Variants in TNRC6A observed in about 807,000 individuals in gnomAD.
TNRC6A encodes trinucleotide repeat containing adaptor 6A, also known as trinucleotide repeat-containing gene 6A protein.
A neutral mutation model predicts 221.2 loss-of-function variants in TNRC6A; 44 were observed. That is an observed-to-expected ratio of 0.20 (90% CI 0.16 to 0.26). The LOEUF (loss-of-function observed/expected upper bound fraction) is 0.26. Ranked by LOEUF, TNRC6A falls within the 10% of genes least tolerant of loss-of-function variation. The pLI is 1.00. For synonymous variants in TNRC6A, 847 were observed against 838.5 expected, an observed-to-expected ratio of 1.01 and a Z score of -0.18; for missense variants, 2,199 against 2,404.4, an observed-to-expected ratio of 0.91 and a Z score of 1.79.
rs533665213 is a variant in TNRC6A, at chr16:24,625,548, A to AC, written n.276+15068dup. 2.0e-5 allele frequency among the ~76,000 whole-genome samples: 3 copies of AC among 151,942 alleles called. No individual in the cohort carries two copies. In the South Asian group the frequency reaches 6.2e-4, roughly 32 times the overall value. On this transcript the variant is annotated intron_variant and non_coding_transcript_variant, in intron 1 of 2. Transcript: ENST00000566108. ...AGACCATCCTGGCTAACAAGGTGAA[A>AC]CCCCGTCTCTACTAAAAAATACAAA...
intron 1 of TNRC6A, among the ~76,000 whole-genome samples, chr16:24,614,542 C>T (rs565412666): frequency 6.6e-6 from 1 of 152,120 alleles, no homozygotes; most frequent in Non-Finnish European, 1.5e-5. Context: ...GGAACAAGCA[C>T]GGGTCTGTTT....
At chr16:24,816,120 A>T (rs886501500) in intron 19 of TNRC6A, 1 of 148,846 alleles carries the variant, frequency 6.7e-6, no homozygotes, top group Non-Finnish European at 1.5e-5. Context: ...GTCCCAGGAG[A>T]TGGAGACCGT....
intron 5 of TNRC6A, among the ~76,000 whole-genome samples, chr16:24,784,097 G>A (rs2057913665): frequency 2.0e-5 from 3 of 152,300 alleles, no homozygotes; most frequent in South Asian, 4.1e-4. Context: ...CACCTCCTGG[G>A]TTCAAATGAT....
intron 1 of TNRC6A, among the ~76,000 whole-genome samples, chr16:24,612,252 A>G (rs1463083410): frequency 6.6e-6 from 1 of 152,174 alleles, no homozygotes; most frequent in Non-Finnish European, 1.5e-5. Context: ...ACTTTTAACA[A>G]CGACAGAGCA....
At chr16:24,764,488 A>G (rs1455326231) in intron 4 of TNRC6A, among the ~76,000 whole-genome samples, 1 of 151,256 alleles carries the variant, frequency 6.6e-6, no homozygotes, top group Non-Finnish European at 1.5e-5. Context: ...CACCACACCT[A>G]ATTTTTGTAT....
chr16:24,772,590 G>A (rs559696263), intron 4 of TNRC6A, among the ~76,000 whole-genome samples: 1 of 151,984 alleles, frequency 6.6e-6, no homozygotes, highest in Non-Finnish European at 1.5e-5. Flanking sequence ...TTCGAGACCA[G>A]CCTGGCCAAT....
chr16:24,714,868 G>A (rs1050030185), intron 2 of TNRC6A, among the ~76,000 whole-genome samples: 1 of 148,784 alleles, frequency 6.7e-6, no homozygotes, highest in Admixed American at 6.7e-5. Flanking sequence ...CTGGTACATT[G>A]TAGTTTTTTT....
chr16:24,777,321 A>G lies in TNRC6A; in HGVS notation c.552A>G (p.Gln184=), dbSNP rs755411451. The G allele has an allele frequency of 6.2e-7, 1 of 1,613,504 alleles. No individual in the cohort carries two copies. The highest frequency in any genetic ancestry group is 1.7e-5 in the Admixed American group (1 of 60,026). ...GTGCTTTAACAAATCAACAGCCACA[A>G]AATAACGGAGAGGTGCAGAACAGCA... ...ESSALTNQQP[Q]NNGEVQNSKN... Residue 184 remains glutamine, a synonymous_variant, in exon 5 of 25, where the codon CAA becomes CAG. Coordinates refer to ENST00000395799, the MANE Select transcript of TNRC6A (RefSeq NM_014494.4).
At chr16:24,736,744 TCTTA>T (rs1225936047) in intron 2 of TNRC6A, among the ~76,000 whole-genome samples, 2 of 152,074 alleles carry the variant, frequency 1.3e-5, no homozygotes, top group Admixed American at 1.3e-4. Context: ...TATCCAATAT[TCTTA>T]CTTCTACACT....
rs370177803 is a variant in TNRC6A at position 24,790,882 on chromosome 16, A to G, written c.2240A>G (p.Asp747Gly). The change falls in exon 6 of 25, where the codon GAC (aspartate) becomes GGC (glycine). Residue 747 changes from aspartate (D) to glycine (G), a missense_variant. Around this residue, in one of 8 missense-constraint regions of TNRC6A, gnomAD observed 1,405 missense variants for 1,400.2 expected, o/e 1.00. Transcript: ENST00000395799. ...TCACCTAGAGGGGAACGAAAGACTG[A>G]CAATGGGACAGAGGCCTGGGGAAGC... The part of the protein sequence containing the change: ...ETSPRGERKT[D>G]NGTEAWGSSA... 1.2e-6 allele frequency: 2 copies of G among 1,614,064 alleles called. No homozygotes were observed. Among genetic ancestry groups the G allele is most frequent in the African/African-American group, 2.7e-5 (2 of 74,932 alleles).
At chr16:24,782,083 A>G (rs1264874326) in intron 5 of TNRC6A, among the ~76,000 whole-genome samples, 3 of 152,044 alleles carry the variant, frequency 2.0e-5, no homozygotes, top group Non-Finnish European at 4.4e-5. Context: ...CGGCCTCCCA[A>G]AGTGCTGGGA....
At chr16:24,624,412 T>C (rs1183173931) in intron 1 of TNRC6A, among the ~76,000 whole-genome samples, 1 of 152,180 alleles carries the variant, frequency 6.6e-6, no homozygotes, top group Non-Finnish European at 1.5e-5. Context: ...CCTTGACTAC[T>C]CAAAAATAGT....
chr16:24,666,639 G>GAAAAAAA (rs1164353374), intron 2 of TNRC6A, among the ~76,000 whole-genome samples: 2 of 31,508 alleles, frequency 6.3e-5, no homozygotes, highest in African/African-American at 1.1e-4. Context: ...CTGTCTTAGA[G>GAAAAAAA]AAAAAAAAAA....
At chr16:24,753,473 A>C (rs1468316603) in intron 3 of TNRC6A, among the ~76,000 whole-genome samples, 1 of 152,220 alleles carries the variant, frequency 6.6e-6, no homozygotes, top group East Asian at 1.9e-4. Flanking sequence ...CTGTTCTCCA[A>C]ATTTCAAATA....
At chr16:24,753,019 A>G (rs1265011905) in intron 3 of TNRC6A, among the ~76,000 whole-genome samples, 1 of 152,258 alleles carries the variant, frequency 6.6e-6, no homozygotes, top group Non-Finnish European at 1.5e-5. Flanking sequence ...GTTGTAACAT[A>G]TACAGCAATG....
intron 4 of TNRC6A, among the ~76,000 whole-genome samples, chr16:24,762,459 T>C (rs2057384024): frequency 6.6e-6 from 1 of 152,224 alleles, no homozygotes; most frequent in African/African-American, 2.4e-5. Flanking sequence ...TAACCACTAA[T>C]AATGAATGGG....
At chr16:24,656,152 A>G (rs1408293943) in intron 2 of TNRC6A, among the ~76,000 whole-genome samples, 2 of 150,790 alleles carry the variant, frequency 1.3e-5, no homozygotes, top group South Asian at 2.1e-4. Flanking sequence ...AAAAAAAAAA[A>G]AAAAGAAAAG....
rs754155846 is a variant in TNRC6A at position 24,804,003 on chromosome 16, G to A, written c.3695-174G>A. ...TAAAATAACAGTATCTCCTAATTGCGACTTCATTTGTGAGGAATGCAAAAT... is the reference window on the plus strand; with the variant it reads ...TAAAATAACAGTATCTCCTAATTGCAACTTCATTTGTGAGGAATGCAAAAT... On this transcript the variant is annotated intron_variant, in intron 11 of 24. Coordinates refer to ENST00000395799, the MANE Select transcript of TNRC6A (RefSeq NM_014494.4). 37 of 583,380 alleles carry A rather than the reference G, an allele frequency of 6.3e-5. No homozygotes were observed. In the East Asian group the frequency reaches 8.7e-4, roughly 14 times the overall value. The allele number at this position is 583,380 out of a possible 1,614,324, so 36.1% of individuals were successfully genotyped here.
chr16:24,743,357 T>G (rs1353328578), intron 2 of TNRC6A, among the ~76,000 whole-genome samples: 2 of 152,168 alleles, frequency 1.3e-5, no homozygotes. Context: ...GGCTTTACTC[T>G]GTCACCCAGG....
Sources: gnomAD v4.1 joint callset for allele counts (sites outside exome capture counted in the v4.1 genomes callset) on GRCh38, gnomAD v4.1.1 for gene constraint, gnomAD v4.1.1 regional missense constraint, MANE v1.5 for transcripts, NCBI Gene and HGNC (gene_info 2026-07-23, HGNC 2026-07-21) for gene names.